The following TSGA10 variants were observed in gnomAD, a reference collection of about 807,000 sequenced individuals.
TSGA10 encodes testis-specific gene 10 protein.
Under a neutral mutation model 96.6 loss-of-function variants are expected in TSGA10, and 43 were observed. The ratio of observed to expected loss-of-function variants is 0.44; its 90% CI spans 0.35 to 0.57. The LOEUF (loss-of-function observed/expected upper bound fraction) is 0.57, where lower values mean the gene tolerates loss of function less well. Ranked by LOEUF, TSGA10 falls within the 20% of genes least tolerant of loss-of-function variation. TSGA10 has a pLI of 0.01. For missense variants in TSGA10, 703 were observed against 834.4 expected (o/e 0.84, Z 1.94); for synonymous variants, 229 against 269.9 (o/e 0.85, Z 1.48).
intron 14 of TSGA10, 106 bp downstream of exon 14, chr2:99,071,600 C>A: frequency 9.7e-7 from 1 of 1,031,140 alleles, no homozygotes; most frequent in Non-Finnish European, 1.4e-6. Context: ...AAAGAAAAGG[C>A]TAGTTCCAGT....
At chr2:99,121,626 C>CA (rs35416081) in intron 2 of TSGA10, among the ~76,000 whole-genome samples, 89,355 of 151,222 alleles carry the variant, frequency 0.59, 27,331 homozygotes, top group East Asian at 0.88. Flanking sequence ...CATGCACCAC[C>CA]TGCCTAGATA....
intron 2 of TSGA10, chr2:99,126,623 T>A (rs1377591085): frequency 6.4e-6 from 1 of 155,340 alleles, no homozygotes; most frequent in Non-Finnish European, 1.4e-5. Flanking sequence ...ATGTCAAGCA[T>A]CAGGAGAACA....
intron 17 of TSGA10, among the ~76,000 whole-genome samples, chr2:99,020,747 A>G (rs967026372): frequency 1.3e-5 from 2 of 151,984 alleles, no homozygotes; most frequent in African/African-American, 2.4e-5. Context: ...AGTTTCTACT[A>G]CCAGCTTTGA....
chr2:99,071,055 A>G (rs1574044820), intron 14 of TSGA10, among the ~76,000 whole-genome samples: 1 of 152,270 alleles, frequency 6.6e-6, no homozygotes, highest in East Asian at 1.9e-4. Flanking sequence ...GTTTAAGTAA[A>G]TTAATAATCT....
intron 12 of TSGA10, among the ~76,000 whole-genome samples, chr2:99,074,377 C>G (rs1284929453): frequency 1.2e-5 from 1 of 80,672 alleles, no homozygotes; most frequent in Admixed American, 1.4e-4. Flanking sequence ...TGTGTGTGTG[C>G]TATCTTCCTT....
At chr2:99,090,297 T>C (rs1304105569) in intron 10 of TSGA10, among the ~76,000 whole-genome samples, 1 of 152,148 alleles carries the variant, frequency 6.6e-6, no homozygotes, top group African/African-American at 2.4e-5. Context: ...CCCTCTGACA[T>C]AGCCTACCCA....
chr2:99,023,074 G>A (rs943984837), intron 17 of TSGA10, among the ~76,000 whole-genome samples: 1 of 152,110 alleles, frequency 6.6e-6, no homozygotes, highest in Admixed American at 6.6e-5. Context: ...AGGCTGGAGT[G>A]CAGTGGCATG....
intron 16 of TSGA10, among the ~76,000 whole-genome samples, chr2:99,060,087 G>A (rs1193630125): frequency 6.6e-6 from 1 of 152,090 alleles, no homozygotes; most frequent in East Asian, 1.9e-4. Context: ...AAGGCGTTCT[G>A]AGAAGAGTAA....
rs1365619977 is a variant in TSGA10 at position 99,028,024 on chromosome 2, G to A, written c.1614+7206C>T. Reference sequence around the variant, plus strand: ...ATATAGCCTCCGATGTTGCTCCTCAGGGTATGCACATAGTTACCCCGATCC... The same window carrying A: ...ATATAGCCTCCGATGTTGCTCCTCAAGGTATGCACATAGTTACCCCGATCC... On this transcript the variant is annotated intron_variant, in intron 17 of 20. Transcript: ENST00000393483. Among the ~76,000 whole-genome samples, 4 of 152,182 alleles carry A rather than the reference G, an allele frequency of 2.6e-5. No individual in the cohort carries two copies. In the East Asian group the frequency reaches 7.7e-4, roughly 29 times the overall value.
chr2:99,134,946 G>C (rs1418953898), intron 1 of TSGA10, among the ~76,000 whole-genome samples: 1 of 152,202 alleles, frequency 6.6e-6, no homozygotes, highest in Non-Finnish European at 1.5e-5. Flanking sequence ...AAAGATTGCT[G>C]CCTGTTTCTT....
chr2:99,092,931 C>T (rs2089522712), intron 10 of TSGA10, among the ~76,000 whole-genome samples: 1 of 152,040 alleles, frequency 6.6e-6, no homozygotes, highest in African/African-American at 2.4e-5. Context: ...AATACCAAAA[C>T]CAGGAAAGGA....
intron 10 of TSGA10, among the ~76,000 whole-genome samples, chr2:99,086,697 T>C (rs1337750539): frequency 6.6e-6 from 1 of 152,196 alleles, no homozygotes. Flanking sequence ...ATGACTGTTC[T>C]CATTCTTCTG....
At chr2:99,046,031 AAT>A (rs1179747103) in intron 16 of TSGA10, among the ~76,000 whole-genome samples, 1 of 152,152 alleles carries the variant, frequency 6.6e-6, no homozygotes, top group African/African-American at 2.4e-5. Flanking sequence ...AACTATCCTA[AAT>A]ATATATGTAC....
At chr2:99,083,086 G>A (rs542795516) in intron 10 of TSGA10, among the ~76,000 whole-genome samples, 2 of 152,104 alleles carry the variant, frequency 1.3e-5, no homozygotes, top group African/African-American at 4.8e-5. Flanking sequence ...ATAAAAGACA[G>A]AATAAGAAGG....
chr2:99,048,871 A>G (rs2083078328), intron 16 of TSGA10, among the ~76,000 whole-genome samples: 1 of 152,168 alleles, frequency 6.6e-6, no homozygotes. Flanking sequence ...AAAGAACTTA[A>G]ACAAATTTAG....
At chr2:99,071,052 T>C (rs545808987) in intron 14 of TSGA10, among the ~76,000 whole-genome samples, 33 of 152,286 alleles carry the variant, frequency 2.2e-4, no homozygotes, top group African/African-American at 7.5e-4. Flanking sequence ...GCTGTTTAAG[T>C]AAATTAATAA....
In TSGA10 at chr2:98,998,203, A is replaced by T. The variant is rs2104756729; in HGVS notation, c.2091T>A (p.Asp697Glu). 6.2e-7 allele frequency: 1 copy of T among 1,600,312 alleles called. No homozygotes were observed. Among genetic ancestry groups the T allele is most frequent in the Non-Finnish European group, 8.5e-7 (1 of 1,175,300 alleles). Residue 697 changes from aspartate to glutamate, a missense_variant, in exon 21 of 21, where the codon GAT (aspartate) becomes GAA (glutamate). Asp to Glu is a conservative substitution (Grantham distance 45). Transcript: ENST00000393483. The stretch of plus-strand genomic sequence containing the variant: ...TGAAGAATCATTTCAGGTGTCAGAA[A>T]TCTCTGTAGCAAAGATTCCTATAAG... ...RSLEENLCYR[D>E]F
chr2:99,102,374 G>C, intron 10 of TSGA10: 3 of 1,613,490 alleles, frequency 1.9e-6, no homozygotes, highest in Non-Finnish European at 2.5e-6. Context: ...CAGTTGAGCA[G>C]TTTACTGGAG....
rs908972268 is a variant in TSGA10, at chr2:99,154,755, G to A, written c.-683C>T. The A allele has an allele frequency of 1.3e-5, 4 of 304,696 alleles. No individual in the cohort carries two copies. Among genetic ancestry groups the A allele is most frequent in the South Asian group, 5.0e-5 (2 of 40,210 alleles). 18.9% of individuals were successfully genotyped at this position (304,696 alleles called of 1,614,324 possible). On this transcript the variant is annotated 5_prime_UTR_variant, in exon 1 of 21. Coordinates refer to ENST00000393483, the MANE Select transcript of TSGA10 (RefSeq NM_025244.4). ...GCGGGGAAGTCCCATCTGAACTGGG[G>A]CCTTATGACCTTCGGTACTTTTATT...
Sources: allele counts gnomAD v4.1 joint callset (sites outside exome capture counted in the v4.1 genomes callset), GRCh38; gene constraint gnomAD v4.1.1; transcripts MANE v1.5; gene names NCBI Gene and HGNC (gene_info 2026-07-23, HGNC 2026-07-21).